IQGAP2: variants seen among roughly 807,000 people sequenced by gnomAD.
The protein encoded by IQGAP2 is IQ motif containing GTPase activating protein 2, also known as ras GTPase-activating-like protein IQGAP2.
A neutral mutation model predicts 201.3 loss-of-function variants in IQGAP2; 173 were observed. The observed-to-expected ratio is 0.86, with a 90% CI of 0.76 to 0.98. IQGAP2 has a LOEUF of 0.98. Ranked by LOEUF, IQGAP2 falls within the 50% of genes least tolerant of loss-of-function variation. The pLI, the probability that IQGAP2 is intolerant of heterozygous loss-of-function variation, is 0.00. For missense variants in IQGAP2, 1,687 were observed against 1,864.8 expected, an observed-to-expected ratio of 0.90 and a Z score of 1.76; for synonymous variants, 675 against 673.9, an observed-to-expected ratio of 1.00 and a Z score of -0.03.
chr5:76,584,033 C>T (rs188566277), intron 5 of IQGAP2, among the ~76,000 whole-genome samples: 23 of 152,076 alleles, frequency 1.5e-4, no homozygotes, highest in African/African-American at 5.5e-4. Flanking sequence ...CCACCGTGCC[C>T]AGATAATTTT....
In IQGAP2 at chr5:76,628,868, C is replaced by A. The variant is rs368963821; in HGVS notation, c.1612+1368C>A. 1,740 of 319,488 alleles carry A rather than the reference C, an allele frequency of 5.4e-3. 59 individuals carry two copies. Among genetic ancestry groups the A allele is most frequent in the South Asian group, 0.044 (1,698 of 38,336 alleles). The allele number at this position is 319,488 out of a possible 1,614,324, so 19.8% of individuals were successfully genotyped here. On this transcript the variant is annotated intron_variant, in intron 14 of 35. Coordinates refer to ENST00000274364, the MANE Select transcript of IQGAP2 (RefSeq NM_006633.5). ...GAGGTGTGTATATAAGAAATTTCAACTTAAATATAAAACTGAAGGAAGCCA... is the reference window on the plus strand; with the variant it reads ...GAGGTGTGTATATAAGAAATTTCAAATTAAATATAAAACTGAAGGAAGCCA...
intron 2 of IQGAP2, among the ~76,000 whole-genome samples, chr5:76,476,904 G>A (rs115692702): frequency 3.2e-3 from 485 of 152,206 alleles, no homozygotes; most frequent in African/African-American, 0.011. Flanking sequence ...ATAAGTGGGC[G>A]TGTGTGTCTA....
chr5:76,443,145 G>A (rs553299888), intron 1 of IQGAP2, among the ~76,000 whole-genome samples: 4 of 152,196 alleles, frequency 2.6e-5, no homozygotes, highest in South Asian at 2.1e-4. Flanking sequence ...CAGTGAGAAC[G>A]CTTATTGCCC....
intron 13 of IQGAP2, chr5:76,623,053 A>T: frequency 1.1e-6 from 1 of 898,814 alleles, no homozygotes. Context: ...TAAAGATCAA[A>T]CTGCCTTTGG....
At chr5:76,449,049 C>G (rs1406083440) in intron 1 of IQGAP2, among the ~76,000 whole-genome samples, 2 of 152,152 alleles carry the variant, frequency 1.3e-5, no homozygotes, top group African/African-American at 4.8e-5. Context: ...TGTAAAATGA[C>G]CTGGGGGTCT....
intron 30 of IQGAP2, among the ~76,000 whole-genome samples, chr5:76,685,493 T>G (rs2150519835): frequency 6.6e-6 from 1 of 152,242 alleles, no homozygotes; most frequent in East Asian, 1.9e-4. Flanking sequence ...AAGTATCAGA[T>G]AATCTGAATA....
chr5:76,570,433 C>T, intron 3 of IQGAP2, 147 bp from the exon 4 acceptor site: 1 of 638,534 alleles, frequency 1.6e-6, no homozygotes, highest in Non-Finnish European at 2.8e-6. Flanking sequence ...CTTTAGCACG[C>T]CTCTGTTTGC....
chr5:76,689,950 T>C (rs774242035), intron 30 of IQGAP2, among the ~76,000 whole-genome samples: 1 of 152,198 alleles, frequency 6.6e-6, no homozygotes, highest in Non-Finnish European at 1.5e-5. Context: ...ACAAGCGCCG[T>C]ATGGGCTCAT....
intron 2 of IQGAP2, among the ~76,000 whole-genome samples, chr5:76,503,074 C>T (rs1480791420): frequency 6.6e-6 from 1 of 151,902 alleles, no homozygotes; most frequent in African/African-American, 2.4e-5. Context: ...ATAGGTTACT[C>T]CTGGAAGCAA....
intron 13 of IQGAP2, chr5:76,615,354 T>C (rs1427749480): frequency 6.6e-6 from 1 of 152,242 alleles, no homozygotes; most frequent in Admixed American, 6.5e-5. Flanking sequence ...GGTTTGTTTT[T>C]CATTCTCACT....
In IQGAP2 at chr5:76,701,007, G is replaced by A. The variant is rs941063861; in HGVS notation, c.4368-69G>A. The A allele has an allele frequency of 3.9e-6, 6 of 1,519,826 alleles. No individual in the cohort carries two copies. The African/African-American group carries it at 6.9e-5, about 17-fold the overall frequency. 94.1% of individuals were successfully genotyped at this position (1,519,826 alleles called of 1,614,324 possible). A position where few individuals can be genotyped will look rare whatever the true frequency, so the allele number is the denominator to read the frequency against. On this transcript the variant is annotated intron_variant, in intron 33 of 35. Coordinates refer to ENST00000274364, the MANE Select transcript of IQGAP2 (RefSeq NM_006633.5). The stretch of plus-strand genomic sequence containing the variant: ...GAACAGCGATGTCACTCTGAGTATG[G>A]TAATCGCACTACCAGAAGCCTCTGC...
intron 1 of IQGAP2, among the ~76,000 whole-genome samples, chr5:76,427,889 C>T (rs985994130): frequency 2.0e-5 from 3 of 152,342 alleles, no homozygotes; most frequent in African/African-American, 4.8e-5. Context: ...CGGGGCTGCT[C>T]GCAGACCCTT....
intron 2 of IQGAP2, among the ~76,000 whole-genome samples, chr5:76,534,900 C>CT (rs1400090021): frequency 6.6e-6 from 1 of 152,206 alleles, no homozygotes; most frequent in African/African-American, 2.4e-5. Context: ...CCAATAATGA[C>CT]TATCAGTTGA....
At chr5:76,652,664 G>A (rs1371028032) in intron 17 of IQGAP2, 86 bp from the exon 18 acceptor site, 2 of 939,718 alleles carry the variant, frequency 2.1e-6, no homozygotes, top group Non-Finnish European at 3.5e-6. Flanking sequence ...GCTCCATGCG[G>A]CCTGAGATGT....
At chr5:76,406,689 G>A (rs555678175) in intron 1 of IQGAP2, among the ~76,000 whole-genome samples, 9 of 152,332 alleles carry the variant, frequency 5.9e-5, no homozygotes, top group African/African-American at 1.9e-4. Context: ...TTACTTGAGA[G>A]TTAAAAACAC....
chr5:76,538,718 T>C (rs1303126548), intron 2 of IQGAP2, among the ~76,000 whole-genome samples: 1 of 152,200 alleles, frequency 6.6e-6, no homozygotes, highest in Non-Finnish European at 1.5e-5. Context: ...GAATGGTGGA[T>C]TGGGCATCTT....
intron 2 of IQGAP2, among the ~76,000 whole-genome samples, chr5:76,481,107 C>T (rs1412200700): frequency 6.6e-6 from 1 of 152,092 alleles, no homozygotes; most frequent in African/African-American, 2.4e-5. Flanking sequence ...CCTAAAGGAT[C>T]CACCTCTTAA....
rs183256575 is a variant in IQGAP2 at position 76,454,871 on chromosome 5, A to G, written c.47-6699A>G. Among the ~76,000 whole-genome samples, 1,464 of 152,136 alleles carry G rather than the reference A, an allele frequency of 9.6e-3. 11 individuals carry two copies. The highest frequency in any genetic ancestry group is 0.014 in the Non-Finnish European group (935 of 68,000). ...TAGATCCCTGAGGAATCACCACACT[A>G]ACTTCCACAATGGTTGAACTAGTTT... On this transcript the variant is annotated intron_variant, in intron 1 of 35. Transcript: ENST00000274364.
chr5:76,681,014 G>A (rs1049712148), intron 28 of IQGAP2, among the ~76,000 whole-genome samples: 12 of 144,668 alleles, frequency 8.3e-5, no homozygotes, highest in South Asian at 6.7e-4. Flanking sequence ...GCTGAGGCAC[G>A]AGAGTCACTT....
Sources: gnomAD v4.1 joint callset for allele counts (sites outside exome capture counted in the v4.1 genomes callset) on GRCh38, gnomAD v4.1.1 for gene constraint, MANE v1.5 for transcripts, NCBI Gene and HGNC (gene_info 2026-07-23, HGNC 2026-07-21) for gene names.